Variants in AIG1 observed in about 807,000 individuals in gnomAD.
AIG1 encodes androgen induced 1.
AIG1 carries 23 observed loss-of-function variants against 31.4 expected under a neutral mutation model. The ratio of observed to expected loss-of-function variants is 0.73; its 90% CI spans 0.53 to 1.04. The LOEUF (loss-of-function observed/expected upper bound fraction) is 1.04. Ranked by LOEUF, AIG1 falls within the 50% of genes least tolerant of loss-of-function variation. The probability of loss-of-function intolerance (pLI) is 0.00; values close to 1 mark genes in which losing one functional copy is unlikely to be tolerated. For synonymous variants in AIG1, 100 were observed against 110.5 expected (o/e 0.90, Z 0.60); for missense variants, 274 against 295.0 (o/e 0.93, Z 0.52).
Position 143,333,205 on chromosome 6 carries a change from A to C in AIG1, c.516-77A>C. On this transcript the variant is annotated intron_variant, in intron 4 of 5. Coordinates refer to ENST00000357847, the MANE Select transcript of AIG1 (RefSeq NM_016108.4). The surrounding 1 kb of genome is among the most constrained non-coding windows in gnomAD (Gnocchi z 4.6). ...AAGCATGGGGAGAGTGAGGGAGTGT[A>C]TATTTGCATCATAGCAGCTTTGATG... The C allele has an allele frequency of 7.1e-7, 1 of 1,402,206 alleles. No homozygotes were observed. Among genetic ancestry groups the C allele is most frequent in the South Asian group, 1.6e-5 (1 of 63,344 alleles). 86.9% of individuals were successfully genotyped at this position (1,402,206 alleles called of 1,614,324 possible).
intron 1 of AIG1, among the ~76,000 whole-genome samples, chr6:143,119,661 A>C (rs1424463835): frequency 1.3e-5 from 2 of 152,194 alleles, no homozygotes; most frequent in Non-Finnish European, 1.5e-5. Context: ...TTCTCCACTC[A>C]GTGTTTCTGG....
chr6:143,060,949 G>A lies in AIG1; in HGVS notation c.24G>A (p.Val8=). 1 of 1,611,828 alleles carries A rather than the reference G, an allele frequency of 6.2e-7. No individual in the cohort carries two copies. The highest frequency in any genetic ancestry group is 1.1e-5 in the South Asian group (1 of 91,042). ...ACATGGCGCTTGTCCCCTGCCAGGT[G>A]CTGCGGATGGCAATCCTGCTGTCTT... MALVPCQ[V]LRMAILLSYC... Residue 8 remains valine (V), a synonymous_variant, in exon 1 of 6, where the codon GTG becomes GTA. Transcript: ENST00000357847.
At chr6:143,097,424 T>G (rs1229620730) in intron 1 of AIG1, among the ~76,000 whole-genome samples, 2 of 152,162 alleles carry the variant, frequency 1.3e-5, no homozygotes, top group Admixed American at 1.3e-4. Context: ...ATCTTACTCA[T>G]TTGAAAAATC....
At chr6:143,248,682 C>T (rs1794781444) in intron 3 of AIG1, among the ~76,000 whole-genome samples, 1 of 152,214 alleles carries the variant, frequency 6.6e-6, no homozygotes, top group South Asian at 2.1e-4. Flanking sequence ...AGTTCCGTTA[C>T]CTGAATACTT....
At chr6:143,077,049 G>A (rs892734923) in intron 1 of AIG1, among the ~76,000 whole-genome samples, 1 of 152,092 alleles carries the variant, frequency 6.6e-6, no homozygotes, top group South Asian at 2.1e-4. Flanking sequence ...TGTTTTTCTA[G>A]TGATTACCAT....
chr6:143,217,900 T>TTAC (rs1469744188), intron 3 of AIG1, among the ~76,000 whole-genome samples: 1 of 152,350 alleles, frequency 6.6e-6, no homozygotes, highest in South Asian at 2.1e-4. Flanking sequence ...TCAATATGTA[T>TTAC]TACCAACCTA....
chr6:143,154,092 T>A (rs147080878), intron 2 of AIG1, among the ~76,000 whole-genome samples: 1,622 of 152,008 alleles, frequency 0.011, 18 homozygotes, highest in Admixed American at 0.015. Flanking sequence ...TCTACTCCCC[T>A]CGCAAAAAAG....
intron 1 of AIG1, among the ~76,000 whole-genome samples, chr6:143,066,286 T>G (rs1776700780): frequency 6.6e-6 from 1 of 151,486 alleles, no homozygotes; most frequent in Non-Finnish European, 1.5e-5. Flanking sequence ...TTTTCTTTGT[T>G]TTTTTTTTGA....
intron 3 of AIG1, among the ~76,000 whole-genome samples, chr6:143,184,186 A>G (rs1023777459): frequency 3.9e-5 from 6 of 152,210 alleles, no homozygotes; most frequent in Non-Finnish European, 7.3e-5. Context: ...GAGCTTCAAT[A>G]GCCAATAGCT....
At position 143,266,821 on chromosome 6, in the gene AIG1, T is replaced by C. The variant is rs542791444; in HGVS notation, c.400-17289T>C. Among the ~76,000 whole-genome samples, 8 of 152,276 alleles carry C rather than the reference T, an allele frequency of 5.3e-5. No homozygotes were observed. In the East Asian group the frequency reaches 5.8e-4, roughly 11 times the overall value. On this transcript the variant is annotated intron_variant, in intron 3 of 5. Transcript: ENST00000357847. ...TGGGCATGGTGGAACACACCTGTAG[T>C]TTAGCCCTACGCAGGAGGCTGAAGT... is the stretch of plus-strand genomic sequence containing the variant.
intron 3 of AIG1, among the ~76,000 whole-genome samples, chr6:143,223,640 A>G (rs1450965426): frequency 6.6e-6 from 1 of 152,150 alleles, no homozygotes; most frequent in Non-Finnish European, 1.5e-5. Flanking sequence ...GACAGTGAAA[A>G]TGCACTGCAA....
chr6:143,246,316 A>C (rs1794620557), intron 3 of AIG1, among the ~76,000 whole-genome samples: 1 of 151,954 alleles, frequency 6.6e-6, no homozygotes, highest in South Asian at 2.1e-4. Context: ...CCACGTGGCT[A>C]GGAAGGCCTC....
intron 4 of AIG1, among the ~76,000 whole-genome samples, chr6:143,306,011 G>A (rs1407526099): frequency 6.7e-6 from 1 of 149,578 alleles, no homozygotes; most frequent in Non-Finnish European, 1.5e-5. Flanking sequence ...ATCTTTGTTG[G>A]TTTAAAGTCT....
intron 3 of AIG1, among the ~76,000 whole-genome samples, chr6:143,227,388 C>T (rs1079237): frequency 0.085 from 12,887 of 152,186 alleles, 1,047 homozygotes; most frequent in Admixed American, 0.19. Flanking sequence ...CCCCGTGCCC[C>T]TCCTTCATCC....
chr6:143,220,023 A>T (rs935284023), intron 3 of AIG1, among the ~76,000 whole-genome samples: 1 of 151,992 alleles, frequency 6.6e-6, no homozygotes, highest in Non-Finnish European at 1.5e-5. Flanking sequence ...CTTACCTCGA[A>T]TTCTCACCAC....
intron 1 of AIG1, among the ~76,000 whole-genome samples, chr6:143,124,938 G>A (rs1363372795): frequency 2.0e-5 from 3 of 152,110 alleles, no homozygotes; most frequent in Admixed American, 2.0e-4. Flanking sequence ...TGAGATTTTG[G>A]GTGGGGACAC....
chr6:143,201,391 A>G (rs534436407), intron 3 of AIG1, among the ~76,000 whole-genome samples: 3 of 152,188 alleles, frequency 2.0e-5, no homozygotes, highest in Non-Finnish European at 4.4e-5. Flanking sequence ...AAAAAGGTAA[A>G]TCTTTCTGAT....
chr6:143,111,959 C>T (rs536624181), intron 1 of AIG1, among the ~76,000 whole-genome samples: 47 of 152,292 alleles, frequency 3.1e-4, no homozygotes, highest in African/African-American at 1.1e-3. Context: ...TCTCTCTGCC[C>T]ATTCAATATG....
At chr6:143,270,569 A>G (rs1408717691) in intron 3 of AIG1, among the ~76,000 whole-genome samples, 3 of 152,278 alleles carry the variant, frequency 2.0e-5, no homozygotes, top group South Asian at 4.1e-4. Flanking sequence ...GCTTTTTCCT[A>G]TAATCTTTGG....
Sources: allele counts gnomAD v4.1 joint callset (sites outside exome capture counted in the v4.1 genomes callset), GRCh38; gene constraint gnomAD v4.1.1; non-coding constraint Gnocchi (gnomAD v3.1); transcripts MANE v1.5; gene names NCBI Gene and HGNC (gene_info 2026-07-23, HGNC 2026-07-21).